Variants in SLC25A13 observed in about 807,000 individuals in gnomAD.
The protein encoded by SLC25A13 is electrogenic aspartate/glutamate antiporter SLC25A13, mitochondrial.
A neutral mutation model predicts 85.5 loss-of-function variants in SLC25A13; 70 were observed. The ratio of observed to expected loss-of-function variants is 0.82; its 90% CI spans 0.68 to 1.00. SLC25A13 has a LOEUF of 1.00. Among genes scored for constraint, SLC25A13 ranks in the 50% least tolerant of loss-of-function variants. The pLI is 0.00. For missense variants in SLC25A13, 765 were observed against 819.8 expected (o/e 0.93, Z 0.82); for synonymous variants, 259 against 288.7 (o/e 0.90, Z 1.04).
intron 1 of SLC25A13, among the ~76,000 whole-genome samples, chr7:96,301,627 G>A (rs901998434): frequency 9.4e-5 from 14 of 149,262 alleles, no homozygotes; most frequent in Non-Finnish European, 5.9e-5. Context: ...GGGTTTTGGT[G>A]TTTTGTTTTT....
chr7:96,155,502 A>C (rs889086144), intron 13 of SLC25A13, among the ~76,000 whole-genome samples: 2 of 151,962 alleles, frequency 1.3e-5, no homozygotes, highest in Non-Finnish European at 2.9e-5. Flanking sequence ...GCCCACAGTG[A>C]TCTCTGCACT....
intron 6 of SLC25A13, 145 bp from the exon 7 acceptor site, chr7:96,191,392 T>C: frequency 1.1e-6 from 1 of 907,482 alleles, no homozygotes. Context: ...TCTTTTGCAT[T>C]AAAAAAAAGC....
At chr7:96,121,410 A>G in intron 17 of SLC25A13, 33 bp from the exon 18 acceptor site, 1 of 1,611,708 alleles carries the variant, frequency 6.2e-7, no homozygotes, top group Non-Finnish European at 8.5e-7. Context: ...AAGAAGCTGT[A>G]TTTTTTGTTT....
intron 9 of SLC25A13, among the ~76,000 whole-genome samples, chr7:96,186,648 T>C (rs1794656360): frequency 6.6e-6 from 1 of 152,110 alleles, no homozygotes; most frequent in Non-Finnish European, 1.5e-5. Context: ...AACCCTATCA[T>C]TCAAAATGAT....
chr7:96,162,273 T>C (rs1793536560), intron 13 of SLC25A13, among the ~76,000 whole-genome samples: 1 of 151,800 alleles, frequency 6.6e-6, no homozygotes, highest in Non-Finnish European at 1.5e-5. Flanking sequence ...TGGTTTGATA[T>C]GAGTGAGTAT....
intron 5 of SLC25A13, among the ~76,000 whole-genome samples, chr7:96,203,408 A>G (rs1489605611): frequency 6.6e-6 from 1 of 152,124 alleles, no homozygotes; most frequent in Non-Finnish European, 1.5e-5. Context: ...GGGGGTAAAA[A>G]CTGCCAGAGA....
At chr7:96,211,856 C>T (rs1795710620) in intron 4 of SLC25A13, among the ~76,000 whole-genome samples, 2 of 152,270 alleles carry the variant, frequency 1.3e-5, no homozygotes, top group Admixed American at 6.5e-5. Flanking sequence ...AGGCCCGGTC[C>T]TAAACTGATT....
intron 3 of SLC25A13, among the ~76,000 whole-genome samples, chr7:96,254,584 G>GTA: frequency 6.6e-6 from 1 of 152,092 alleles, no homozygotes; most frequent in Non-Finnish European, 1.5e-5. Context: ...ATATGTGTGT[G>GTA]TATATATACC....
chr7:96,188,976 TC>T (rs1005111104), intron 9 of SLC25A13, among the ~76,000 whole-genome samples: 1 of 152,238 alleles, frequency 6.6e-6, no homozygotes, highest in Non-Finnish European at 1.5e-5. Flanking sequence ...AACACGGGAT[TC>T]TTTCGCTACA....
At chr7:96,131,234 T>A (rs1157255075) in intron 15 of SLC25A13, among the ~76,000 whole-genome samples, 1 of 152,258 alleles carries the variant, frequency 6.6e-6, no homozygotes, top group Non-Finnish European at 1.5e-5. Flanking sequence ...TATTTCCATC[T>A]GTGATTTAAT....
At chr7:96,146,051 T>C (rs1038086726) in intron 14 of SLC25A13, among the ~76,000 whole-genome samples, 9 of 152,172 alleles carry the variant, frequency 5.9e-5, no homozygotes, top group Admixed American at 2.0e-4. Context: ...TAGAGCAGTA[T>C]GAATAAAAAA....
At chr7:96,186,541 T>A (rs542054967) in intron 9 of SLC25A13, among the ~76,000 whole-genome samples, 1 of 152,324 alleles carries the variant, frequency 6.6e-6, no homozygotes, top group Admixed American at 6.5e-5. Flanking sequence ...TTTCCCAAAT[T>A]TTTGCTCTTT....
In SLC25A13 at chr7:96,322,097, C is replaced by A; in HGVS notation, c.-141G>T. 8.3e-7 allele frequency: 1 copy of A among 1,204,666 alleles called. No homozygotes were observed. The allele number at this position is 1,204,666 out of a possible 1,614,324, so 74.6% of individuals were successfully genotyped here. Reference sequence around the variant, plus strand: ...CAGGCAGCGTGCGTTCCTGGCCTGCCTCCCCACGCCCTCCCGCCGGCGCGG... The same window carrying A: ...CAGGCAGCGTGCGTTCCTGGCCTGCATCCCCACGCCCTCCCGCCGGCGCGG... On this transcript the variant is annotated 5_prime_UTR_variant, in exon 1 of 18. The change creates a new upstream start codon in the 5' untranslated region. Coordinates refer to ENST00000265631, the MANE Select transcript of SLC25A13 (RefSeq NM_014251.3).
rs1015381657 is a variant in SLC25A13 at position 96,295,306 on chromosome 7, G to A, written c.69+1592C>T. 9.2e-5 allele frequency among the ~76,000 whole-genome samples: 14 copies of A among 152,250 alleles called. No individual in the cohort carries two copies. The East Asian group carries it at 1.7e-3, about 19-fold the overall frequency. ...GGAGGTTGCAGTGAGCTGAGAAAGCGCCATTGCACTCCAGCCTGGGCAACA... is the reference window on the plus strand; with the variant it reads ...GGAGGTTGCAGTGAGCTGAGAAAGCACCATTGCACTCCAGCCTGGGCAACA... On this transcript the variant is annotated intron_variant, in intron 2 of 17. Coordinates refer to ENST00000265631, the MANE Select transcript of SLC25A13 (RefSeq NM_014251.3).
Position 96,277,197 on chromosome 7 carries a change from C to A in SLC25A13, c.211G>T (p.Gly71Ter). 6.3e-7 allele frequency: 1 copy of A among 1,575,092 alleles called. No individual in the cohort carries two copies. Among genetic ancestry groups the A allele is most frequent in the Non-Finnish European group, 8.6e-7 (1 of 1,159,248 alleles). ...LSGVVDQTKD[G>*]LISFQEFVAF... ...TAAAATAATTAAAAATAAACATACC[C>A]ATCTTTGGTCTGATCCACCACTCCA... is the stretch of plus-strand genomic sequence containing the variant. The change falls in exon 3 of 18, where the codon GGA (glycine) becomes TGA (stop). Residue 71 changes from glycine to a stop codon, truncating the protein, a stop_gained and splice_region_variant. Coordinates refer to ENST00000265631, the MANE Select transcript of SLC25A13 (RefSeq NM_014251.3). LOFTEE classifies it high-confidence loss of function.
chr7:96,303,556 T>C (rs1036877329), intron 1 of SLC25A13, among the ~76,000 whole-genome samples: 3 of 152,168 alleles, frequency 2.0e-5, no homozygotes, highest in East Asian at 1.9e-4. Context: ...CTAAAGACAC[T>C]AGAAGGCTGA....
At chr7:96,269,890 A>T (rs943193171) in intron 3 of SLC25A13, among the ~76,000 whole-genome samples, 1 of 152,230 alleles carries the variant, frequency 6.6e-6, no homozygotes, top group Non-Finnish European at 1.5e-5. Flanking sequence ...TCTCACTTAC[A>T]CATGGAATCT....
At chr7:96,278,400 T>C (rs1201957760) in intron 2 of SLC25A13, among the ~76,000 whole-genome samples, 1 of 152,180 alleles carries the variant, frequency 6.6e-6, no homozygotes, top group Non-Finnish European at 1.5e-5. Context: ...TAAAACTGTT[T>C]TTAAAAGTCA....
At chr7:96,229,292 A>T (rs1037476126) in intron 4 of SLC25A13, among the ~76,000 whole-genome samples, 1 of 152,202 alleles carries the variant, frequency 6.6e-6, no homozygotes, top group Non-Finnish European at 1.5e-5. Context: ...GTCTAGCTAG[A>T]GGATTGTAAA....
Sources: allele counts gnomAD v4.1 joint callset (sites outside exome capture counted in the v4.1 genomes callset), GRCh38; gene constraint gnomAD v4.1.1; transcripts MANE v1.5; gene names NCBI Gene and HGNC (gene_info 2026-07-23, HGNC 2026-07-21).